COLEC11: variants seen among roughly 807,000 people sequenced by gnomAD.
COLEC11 encodes collectin-11.
COLEC11 carries 20 observed loss-of-function variants against 27.3 expected under a neutral mutation model. The ratio of observed to expected loss-of-function variants is 0.73; its 90% CI spans 0.51 to 1.06. The LOEUF (loss-of-function observed/expected upper bound fraction) is 1.06. Among genes scored for constraint, COLEC11 ranks in the 50% least tolerant of loss-of-function variants. The pLI, the probability that COLEC11 is intolerant of heterozygous loss-of-function variation, is 0.00. For missense variants in COLEC11, 310 were observed against 383.0 expected (o/e 0.81, Z 1.59); for synonymous variants, 163 against 154.7 (o/e 1.05, Z -0.40).
At chr2:3,597,828 C>T (rs947007507) in intron 1 of COLEC11, among the ~76,000 whole-genome samples, 3 of 152,182 alleles carry the variant, frequency 2.0e-5, no homozygotes, top group African/African-American at 4.8e-5. Flanking sequence ...AGGCAGGAGC[C>T]GGGGAGACTA....
Position 3,595,166 on chromosome 2 carries a change from C to T in COLEC11, c.-29C>T, listed in dbSNP as rs77246730. 2,205 of 340,608 alleles carry T rather than the reference C, an allele frequency of 6.5e-3. 13 individuals are homozygous for T. Among genetic ancestry groups the T allele is most frequent in the Non-Finnish European group, 9.8e-3 (1,656 of 169,330 alleles). 21.1% of individuals were successfully genotyped at this position (340,608 alleles called of 1,614,324 possible). On this transcript the variant is annotated splice_region_variant and 5_prime_UTR_variant, in exon 1 of 7. Coordinates refer to ENST00000349077, the MANE Select transcript of COLEC11 (RefSeq NM_024027.5). ...ACGCCCCGTTCGCCTAGCGCGTGCTCAGGTAGGAGACTCTGCCCGGGGCTG... is the reference window on the plus strand; with the variant it reads ...ACGCCCCGTTCGCCTAGCGCGTGCTTAGGTAGGAGACTCTGCCCGGGGCTG...
At chr2:3,600,933 G>A (rs770398562) in intron 1 of COLEC11, among the ~76,000 whole-genome samples, 11 of 152,102 alleles carry the variant, frequency 7.2e-5, no homozygotes, top group Non-Finnish European at 1.2e-4. Flanking sequence ...GACAATGCCC[G>A]GCCCCGTGAT....
At chr2:3,613,533 G>C in intron 3 of COLEC11, 151 bp downstream of exon 3, 1 of 746,786 alleles carries the variant, frequency 1.3e-6, no homozygotes. Context: ...GACTTGGGTC[G>C]GGAGCAGGGA....
chr2:3,603,382 T>A (rs1662383770), intron 1 of COLEC11: 1 of 460,208 alleles, frequency 2.2e-6, no homozygotes, highest in Admixed American at 3.3e-5. Flanking sequence ...AGTGGCGTGA[T>A]CTCAGGTCAC....
intron 3 of COLEC11, among the ~76,000 whole-genome samples, chr2:3,629,121 T>G (rs1664786864): frequency 6.6e-6 from 1 of 152,230 alleles, no homozygotes; most frequent in African/African-American, 2.4e-5. Flanking sequence ...TCTGCTGTCC[T>G]TAGAGAACCT....
At chr2:3,631,793 C>T (rs1665024173) in intron 3 of COLEC11, among the ~76,000 whole-genome samples, 1 of 151,816 alleles carries the variant, frequency 6.6e-6, no homozygotes, top group Admixed American at 6.6e-5. Flanking sequence ...ACACTCTGGT[C>T]TCTTGGTCTC....
intron 3 of COLEC11, among the ~76,000 whole-genome samples, chr2:3,628,524 C>T (rs1185211211): frequency 1.3e-5 from 2 of 152,256 alleles, no homozygotes; most frequent in Admixed American, 6.5e-5. Context: ...ATGCTCTGCA[C>T]ATGGGGACCT....
chr2:3,612,694 C>G lies in COLEC11; in HGVS notation c.131-617C>G, dbSNP rs529839548. The stretch of plus-strand genomic sequence containing the variant: ...AGGCCCCTGGCCTCACTGCGCACAT[C>G]TCTGAACTGTGCCTTGTAGGGTGTC... On this transcript the variant is annotated intron_variant, in intron 2 of 6. Transcript: ENST00000349077. Among the ~76,000 whole-genome samples the G allele has an allele frequency of 5.9e-5, 9 of 152,214 alleles. No individual in the cohort carries two copies. In the South Asian group the frequency reaches 1.9e-3, roughly 32 times the overall value.
chr2:3,618,863 G>A (rs1255002491), intron 3 of COLEC11, among the ~76,000 whole-genome samples: 1 of 152,144 alleles, frequency 6.6e-6, no homozygotes, highest in African/African-American at 2.4e-5. Context: ...AGTTCTCAGT[G>A]TACAGGTACA....
chr2:3,608,512 A>G (rs1032438329), intron 2 of COLEC11, among the ~76,000 whole-genome samples: 1 of 152,114 alleles, frequency 6.6e-6, no homozygotes, highest in African/African-American at 2.4e-5. Flanking sequence ...GGACCAGTGG[A>G]CAATGAACAC....
At chr2:3,596,702 T>G (rs1479566135) in intron 1 of COLEC11, among the ~76,000 whole-genome samples, 3 of 152,186 alleles carry the variant, frequency 2.0e-5, no homozygotes, top group African/African-American at 7.2e-5. Context: ...CCCTCTCCCC[T>G]GCTTGTCAAG....
intron 5 of COLEC11, chr2:3,641,460 G>A: frequency 7.9e-7 from 1 of 1,258,496 alleles, no homozygotes; most frequent in Non-Finnish European, 1.0e-6. Context: ...AAGGAGAGGG[G>A]ACGTCCCATC....
intron 3 of COLEC11, among the ~76,000 whole-genome samples, chr2:3,628,804 A>G (rs911583092): frequency 2.6e-5 from 4 of 152,174 alleles, no homozygotes; most frequent in East Asian, 3.9e-4. Flanking sequence ...TAAGAACTCC[A>G]CACCTGCTTT....
chr2:3,608,279 A>G (rs1662895792), intron 2 of COLEC11, among the ~76,000 whole-genome samples: 1 of 152,180 alleles, frequency 6.6e-6, no homozygotes, highest in South Asian at 2.1e-4. Flanking sequence ...GTGATGGTGG[A>G]AGTGAGCCAG....
At chr2:3,595,971 A>G (rs1392167331) in intron 1 of COLEC11, among the ~76,000 whole-genome samples, 2 of 152,248 alleles carry the variant, frequency 1.3e-5, no homozygotes, top group Non-Finnish European at 1.5e-5. Context: ...TTTTGTTTAC[A>G]ATTTTGAAAA....
At chr2:3,640,130 C>G (rs935573063) in intron 4 of COLEC11, 148 bp from the exon 5 acceptor site, 1 of 693,876 alleles carries the variant, frequency 1.4e-6, no homozygotes, top group African/African-American at 1.8e-5. Context: ...GCAGGAATTA[C>G]CTGCAGAATG....
intron 1 of COLEC11, among the ~76,000 whole-genome samples, chr2:3,597,537 A>G (rs1572374448): frequency 6.6e-6 from 1 of 152,204 alleles, no homozygotes; most frequent in Admixed American, 6.5e-5. Context: ...ACGGAGCCTG[A>G]TCTTTGTTGA....
chr2:3,614,761 C>T (rs897428292), intron 3 of COLEC11, among the ~76,000 whole-genome samples: 2 of 152,124 alleles, frequency 1.3e-5, no homozygotes, highest in Admixed American at 6.5e-5. Flanking sequence ...AACAGAACTA[C>T]CAGAAACCTG....
At chr2:3,628,408 C>T (rs1046271852) in intron 3 of COLEC11, among the ~76,000 whole-genome samples, 7 of 152,334 alleles carry the variant, frequency 4.6e-5, no homozygotes, top group Non-Finnish European at 5.9e-5. Context: ...CCCAGGAGGG[C>T]GGCCTGAGAC....
Sources: gnomAD v4.1 joint callset for allele counts (sites outside exome capture counted in the v4.1 genomes callset) on GRCh38, gnomAD v4.1.1 for gene constraint, MANE v1.5 for transcripts, NCBI Gene and HGNC (gene_info 2026-07-23, HGNC 2026-07-21) for gene names.